Variants in KCNE3 observed in about 807,000 individuals in gnomAD.
KCNE3 encodes the protein potassium voltage-gated channel subfamily E member 3.
In KCNE3, 2 loss-of-function variants were observed where a neutral mutation model predicts 4.3. That is an observed-to-expected ratio of 0.47 (90% CI 0.19 to 1.48). The LOEUF is 1.48. Among genes scored for constraint, KCNE3 ranks in the 40% most tolerant of loss-of-function variants. The pLI is 0.25. For synonymous variants in KCNE3, 47 were observed against 52.0 expected (o/e 0.90, Z 0.41); for missense variants, 128 against 136.8 (o/e 0.94, Z 0.32).
intron 2 of KCNE3, among the ~76,000 whole-genome samples, chr11:74,460,282 G>A (rs1392458173): frequency 6.6e-6 from 1 of 152,224 alleles, no homozygotes; most frequent in East Asian, 1.9e-4. Flanking sequence ...CTCTGTGGCT[G>A]CTGCTTCCCT....
At chr11:74,465,389 A>G (rs947940956) in intron 1 of KCNE3, among the ~76,000 whole-genome samples, 2 of 152,196 alleles carry the variant, frequency 1.3e-5, no homozygotes, top group Non-Finnish European at 2.9e-5. Context: ...GGATGGCTCA[A>G]AGAAAAGAAG....
rs147394774 is a variant in KCNE3, at chr11:74,464,816, C to A, written c.-190+2582G>T. Among the ~76,000 whole-genome samples the A allele has an allele frequency of 1.3e-3, 198 of 152,330 alleles. 1 individual carries two copies. The highest frequency in any genetic ancestry group is 4.6e-3 in the African/African-American group (193 of 41,572). The stretch of plus-strand genomic sequence containing the variant: ...ATCTCCCCACAGCTCTTTTCAGTGG[C>A]CTGCACCCATGACACTGAAGTACAG... On this transcript the variant is annotated intron_variant, in intron 1 of 2. Transcript: ENST00000310128.
intron 2 of KCNE3, 74 bp from the exon 3 acceptor site, chr11:74,457,677 C>T: frequency 1.0e-6 from 1 of 957,294 alleles, no homozygotes; most frequent in South Asian, 1.3e-5. Context: ...CTTCAGATCC[C>T]AGGTAAAATC....
chr11:74,459,523 A>G (rs142588284), intron 2 of KCNE3, among the ~76,000 whole-genome samples: 1 of 152,008 alleles, frequency 6.6e-6, no homozygotes, highest in Non-Finnish European at 1.5e-5. Flanking sequence ...CGGCCTCCCA[A>G]AGTGCTGGGA....
rs1170868008 is a variant in KCNE3 at position 74,457,594 on chromosome 11, G to A, written c.-31C>T. On this transcript the variant is annotated 5_prime_UTR_variant, in exon 3 of 3. Transcript: ENST00000310128. ...CAGGGATTGAGGTGGGGGAAGACTC[G>A]GTAGAAGCTCTGGTGGCAAAAGAAA... The A allele has an allele frequency of 5.0e-6, 8 of 1,602,432 alleles. No homozygotes were observed. The highest frequency in any genetic ancestry group is 2.2e-5 in the South Asian group (2 of 90,750).
At chr11:74,462,159 T>C (rs1863968725) in intron 1 of KCNE3, 56 bp from the exon 2 acceptor site, 1 of 152,512 alleles carries the variant, frequency 6.6e-6, no homozygotes, top group Non-Finnish European at 1.5e-5. Context: ...AGCACAAACT[T>C]CAGAACCAGG....
intron 2 of KCNE3, among the ~76,000 whole-genome samples, chr11:74,461,527 G>A (rs2135013777): frequency 6.6e-6 from 1 of 152,064 alleles, no homozygotes; most frequent in Admixed American, 6.5e-5. Flanking sequence ...GGAGGCTGAG[G>A]CAGGAGAACC....
intron 1 of KCNE3, among the ~76,000 whole-genome samples, chr11:74,466,314 G>A (rs995413183): frequency 1.3e-5 from 2 of 152,202 alleles, no homozygotes; most frequent in African/African-American, 4.8e-5. Flanking sequence ...GCTTTGAGAC[G>A]TATAGACTGA....
chr11:74,464,442 C>T (rs560281232), intron 1 of KCNE3: 3 of 152,362 alleles, frequency 2.0e-5, no homozygotes, highest in East Asian at 3.9e-4. Context: ...TCTTACCACT[C>T]CTGTGGATTG....
chr11:74,459,477 T>C (rs956871969), intron 2 of KCNE3, among the ~76,000 whole-genome samples: 16 of 152,040 alleles, frequency 1.1e-4, no homozygotes, highest in South Asian at 2.1e-4. Context: ...TTAGCCAGGA[T>C]GGTCTCGATC....
intron 2 of KCNE3, among the ~76,000 whole-genome samples, chr11:74,460,059 G>T (rs576317153): frequency 6.6e-6 from 1 of 152,310 alleles, no homozygotes; most frequent in South Asian, 2.1e-4. Flanking sequence ...TGGAAAAGAT[G>T]ATCATTCTGA....
At chr11:74,465,698 T>C (rs1864045103) in intron 1 of KCNE3, among the ~76,000 whole-genome samples, 1 of 152,226 alleles carries the variant, frequency 6.6e-6, no homozygotes, top group Non-Finnish European at 1.5e-5. Flanking sequence ...CTCTGTGTCC[T>C]TGAGCACTGC....
chr11:74,460,751 T>A (rs183379640), intron 2 of KCNE3, among the ~76,000 whole-genome samples: 1 of 152,226 alleles, frequency 6.6e-6, no homozygotes, highest in African/African-American at 2.4e-5. Flanking sequence ...GTTGGAACTT[T>A]ATTCTGTAGC....
intron 1 of KCNE3, among the ~76,000 whole-genome samples, chr11:74,465,821 A>G (rs1444147734): frequency 1.3e-5 from 2 of 152,214 alleles, no homozygotes; most frequent in Non-Finnish European, 2.9e-5. Flanking sequence ...AATTGCAAAC[A>G]TACAAGATAA....
chr11:74,461,925 G>A (rs971665223), intron 2 of KCNE3, 30 bp downstream of exon 2: 1 of 152,196 alleles, frequency 6.6e-6, no homozygotes, highest in African/African-American at 2.4e-5. Context: ...GACAGGGAGA[G>A]GGAGGGAAAT....
At chr11:74,465,039 CTT>C (rs1227772151) in intron 1 of KCNE3, among the ~76,000 whole-genome samples, 2 of 152,110 alleles carry the variant, frequency 1.3e-5, no homozygotes, top group African/African-American at 4.8e-5. Flanking sequence ...GTCTCTCCCT[CTT>C]GTTTTTTCCC....
intron 1 of KCNE3, among the ~76,000 whole-genome samples, chr11:74,466,705 T>C (rs953873827): frequency 6.6e-6 from 1 of 152,182 alleles, no homozygotes; most frequent in African/African-American, 2.4e-5. Flanking sequence ...CCAATCCCCC[T>C]TTCCCCTTCT....
chr11:74,459,944 G>A (rs892927294), intron 2 of KCNE3, among the ~76,000 whole-genome samples: 2 of 152,150 alleles, frequency 1.3e-5, no homozygotes, highest in African/African-American at 4.8e-5. Context: ...TAGTAGAGAT[G>A]TTCACTTTAA....
chr11:74,459,325 A>G (rs1466030676), intron 2 of KCNE3, among the ~76,000 whole-genome samples: 6 of 138,458 alleles, frequency 4.3e-5, no homozygotes, highest in Non-Finnish European at 7.6e-5. Flanking sequence ...GCAGTGGCGC[A>G]ATCTCGGCTC....
Sources: gnomAD v4.1 joint callset for allele counts (sites outside exome capture counted in the v4.1 genomes callset) on GRCh38, gnomAD v4.1.1 for gene constraint, MANE v1.5 for transcripts, NCBI Gene and HGNC (gene_info 2026-07-23, HGNC 2026-07-21) for gene names.